NCKAP5: variants seen among roughly 807,000 people sequenced by gnomAD.
NCKAP5 encodes the protein NCK associated protein 5, also known as nck-associated protein 5.
In NCKAP5, 92 loss-of-function variants were observed where a neutral mutation model predicts 167.0. The observed-to-expected ratio is 0.55, with a 90% CI of 0.47 to 0.66. NCKAP5 has a LOEUF of 0.66. Ranked by LOEUF, NCKAP5 falls within the 30% of genes least tolerant of loss-of-function variation. NCKAP5 has a pLI of 0.00. For missense variants in NCKAP5, 2,378 were observed against 2,315.0 expected, an observed-to-expected ratio of 1.03 and a Z score of -0.56; for synonymous variants, 891 against 877.4, an observed-to-expected ratio of 1.02 and a Z score of -0.27.
At chr2:133,429,266 G>A (rs920082901) in intron 3 of NCKAP5, among the ~76,000 whole-genome samples, 1 of 151,072 alleles carries the variant, frequency 6.6e-6, no homozygotes, top group East Asian at 1.9e-4. Context: ...AGATGATTTT[G>A]CTTTGCTTTG....
chr2:133,135,350 G>A (rs1022607059), intron 5 of NCKAP5, among the ~76,000 whole-genome samples: 1 of 152,092 alleles, frequency 6.6e-6, no homozygotes, highest in Non-Finnish European at 1.5e-5. Flanking sequence ...GAGAAGCCCA[G>A]TGTGGCTGGA....
At chr2:133,529,527 C>T (rs1363267106) in intron 2 of NCKAP5, among the ~76,000 whole-genome samples, 1 of 152,182 alleles carries the variant, frequency 6.6e-6, no homozygotes, top group African/African-American at 2.4e-5. Flanking sequence ...ACCATCCCAC[C>T]ATGAGCAAGT....
chr2:133,332,603 G>A (rs1682933616), intron 3 of NCKAP5, among the ~76,000 whole-genome samples: 1 of 152,010 alleles, frequency 6.6e-6, no homozygotes, highest in African/African-American at 2.4e-5. Flanking sequence ...AGACTTGAAA[G>A]TTTTAGAAAA....
chr2:133,368,855 G>A (rs1334105070), intron 3 of NCKAP5, among the ~76,000 whole-genome samples: 1 of 152,208 alleles, frequency 6.6e-6, no homozygotes, highest in East Asian at 1.9e-4. Context: ...GACACGTATT[G>A]CAAATTCCTA....
chr2:133,289,702 A>C (rs1679425008), intron 4 of NCKAP5, among the ~76,000 whole-genome samples: 1 of 147,082 alleles, frequency 6.8e-6, no homozygotes, highest in Admixed American at 6.7e-5. Context: ...AAAAAAAATA[A>C]AAACAAACAA....
chr2:132,896,779 A>G (rs1289265139), intron 8 of NCKAP5, among the ~76,000 whole-genome samples: 1 of 152,246 alleles, frequency 6.6e-6, no homozygotes, highest in Non-Finnish European at 1.5e-5. Flanking sequence ...AAGTATAAAA[A>G]GAATGTGTTA....
At chr2:132,979,650 C>T (rs1007782689) in intron 7 of NCKAP5, among the ~76,000 whole-genome samples, 4 of 152,222 alleles carry the variant, frequency 2.6e-5, no homozygotes, top group Non-Finnish European at 2.9e-5. Context: ...ACATTCTCTG[C>T]TTCCTCTCAC....
chr2:133,180,221 A>G (rs982038066), intron 5 of NCKAP5, among the ~76,000 whole-genome samples: 1 of 152,226 alleles, frequency 6.6e-6, no homozygotes, highest in African/African-American at 2.4e-5. Flanking sequence ...CAGTCAAAGT[A>G]TCCCTCAGTA....
intron 3 of NCKAP5, among the ~76,000 whole-genome samples, chr2:133,355,615 T>C (rs1340208404): frequency 5.3e-5 from 8 of 152,126 alleles, no homozygotes; most frequent in African/African-American, 1.9e-4. Flanking sequence ...TTTTTCTTTT[T>C]GTATATTTTA....
the NCKAP5 span, among the ~76,000 whole-genome samples, chr2:133,611,867 T>C: frequency 6.6e-6 from 1 of 152,212 alleles, no homozygotes; most frequent in African/African-American, 2.4e-5. Context: ...GATTCTTTCA[T>C]TCTGAGCACA....
At chr2:133,506,514 C>T (rs1445643656) in intron 3 of NCKAP5, among the ~76,000 whole-genome samples, 5 of 152,138 alleles carry the variant, frequency 3.3e-5, no homozygotes, top group African/African-American at 1.2e-4. Flanking sequence ...CAACAGGGGA[C>T]AAGACAGTGT....
At chr2:133,374,476 A>G (rs1686007221) in intron 3 of NCKAP5, among the ~76,000 whole-genome samples, 1 of 152,134 alleles carries the variant, frequency 6.6e-6, no homozygotes, top group Non-Finnish European at 1.5e-5. Flanking sequence ...TGTAACTGTG[A>G]CCTTGGGCGA....
intron 6 of NCKAP5, among the ~76,000 whole-genome samples, chr2:133,061,901 C>T (rs2080018992): frequency 6.6e-6 from 1 of 152,122 alleles, no homozygotes; most frequent in African/African-American, 2.4e-5. Context: ...TCCCCAACCA[C>T]TAGGTTTCAT....
chr2:133,529,163 A>AT (rs1009539894), intron 2 of NCKAP5, among the ~76,000 whole-genome samples: 6 of 152,112 alleles, frequency 3.9e-5, no homozygotes, highest in African/African-American at 1.4e-4. Context: ...AAAACATACC[A>AT]TATTAAATGC....
intron 4 of NCKAP5, among the ~76,000 whole-genome samples, chr2:133,234,573 A>C (rs1186032189): frequency 2.0e-5 from 3 of 152,130 alleles, no homozygotes; most frequent in Non-Finnish European, 4.4e-5. Flanking sequence ...CATGTCGCTC[A>C]TATCTGGAGA....
chr2:133,338,887 G>A (rs1228161176), intron 3 of NCKAP5, among the ~76,000 whole-genome samples: 1 of 152,090 alleles, frequency 6.6e-6, no homozygotes, highest in Non-Finnish European at 1.5e-5. Context: ...GGGCGTGGTG[G>A]TGGTCACCTG....
the NCKAP5 span, among the ~76,000 whole-genome samples, chr2:133,593,226 ATC>A: frequency 6.6e-6 from 1 of 152,230 alleles, no homozygotes; most frequent in South Asian, 2.1e-4. Flanking sequence ...GATATACACT[ATC>A]TGTTATCACC....
At chr2:132,790,983 A>G (rs543850930) in intron 12 of NCKAP5, among the ~76,000 whole-genome samples, 8 of 152,238 alleles carry the variant, frequency 5.3e-5, no homozygotes, top group African/African-American at 1.9e-4. Context: ...ATAGAGTCAC[A>G]TCTTTGACTA....
At chr2:133,644,530 T>C in the NCKAP5 span, among the ~76,000 whole-genome samples, 2 of 152,254 alleles carry the variant, frequency 1.3e-5, no homozygotes, top group East Asian at 1.9e-4. Context: ...CTTCTTCCTC[T>C]GTAAATACTT....
Sources: gnomAD v4.1 joint callset for allele counts (sites outside exome capture counted in the v4.1 genomes callset) on GRCh38, gnomAD v4.1.1 for gene constraint, MANE v1.5 for transcripts, NCBI Gene and HGNC (gene_info 2026-07-23, HGNC 2026-07-21) for gene names.